Variants in DPYSL3 observed in about 807,000 individuals in gnomAD.
DPYSL3 encodes dihydropyrimidinase like 3.
In DPYSL3, 16 loss-of-function variants were observed where a neutral mutation model predicts 66.1. The ratio of observed to expected loss-of-function variants is 0.24; its 90% CI spans 0.16 to 0.37. The LOEUF (loss-of-function observed/expected upper bound fraction) is 0.37, where lower values mean the gene tolerates loss of function less well. Among genes scored for constraint, DPYSL3 ranks in the 10% least tolerant of loss-of-function variants. The pLI, the probability that DPYSL3 is intolerant of heterozygous loss-of-function variation, is 1.00. For synonymous variants in DPYSL3, 338 were observed against 345.1 expected (o/e 0.98, Z 0.23); for missense variants, 738 against 916.2 (o/e 0.81, Z 2.51).
rs2152014475 is a variant in DPYSL3, at chr5:147,395,725, C to T, written c.1804-4G>A. 1 of 1,613,574 alleles carries T rather than the reference C, an allele frequency of 6.2e-7. No homozygotes were observed. The highest frequency in any genetic ancestry group is 2.2e-5 in the East Asian group (1 of 44,872). The stretch of plus-strand genomic sequence containing the variant: ...GGACGGCATGCAGGTCTGCCATCTG[C>T]AGCCAGAGAAGAGCATGTCACCATT... On this transcript the variant is annotated splice_region_variant and splice_polypyrimidine_tract_variant and intron_variant, in intron 12 of 13. Coordinates refer to ENST00000343218, the MANE Select transcript of DPYSL3 (RefSeq NM_001197294.2).
At position 147,458,403 on chromosome 5, in the gene DPYSL3, C is replaced by T. The variant is rs1468075755; in HGVS notation, c.382-33440G>A. Among the ~76,000 whole-genome samples the T allele has an allele frequency of 2.0e-5, 3 of 152,268 alleles. No individual in the cohort carries two copies. In the East Asian group the frequency reaches 5.8e-4, roughly 29 times the overall value. ...CCCTAGATGGTCTAAAAAGGGGAGGCATGAATAATCCACCCCTTGTTTAGC... is the reference window on the plus strand; with the variant it reads ...CCCTAGATGGTCTAAAAAGGGGAGGTATGAATAATCCACCCCTTGTTTAGC... On this transcript the variant is annotated intron_variant, in intron 1 of 13. Transcript: ENST00000343218.
chr5:147,417,956 C>G (rs1406312512), intron 3 of DPYSL3, among the ~76,000 whole-genome samples: 1 of 152,124 alleles, frequency 6.6e-6, no homozygotes, highest in African/African-American at 2.4e-5. Flanking sequence ...TTTTGAAAAC[C>G]TCCACCAGAC....
intron 2 of DPYSL3, among the ~76,000 whole-genome samples, chr5:147,421,277 G>A (rs146339592): frequency 0.019 from 2,950 of 152,036 alleles, 105 homozygotes; most frequent in African/African-American, 0.068. Flanking sequence ...ACTACAAAGA[G>A]AATAAAATAC....
intron 1 of DPYSL3, among the ~76,000 whole-genome samples, chr5:147,470,010 A>T (rs1194204282): frequency 6.6e-6 from 1 of 152,330 alleles, no homozygotes; most frequent in East Asian, 1.9e-4. Flanking sequence ...AAAGACATCC[A>T]TTTTGTCTGA....
chr5:147,453,456 C>A, intron 1 of DPYSL3: 2 of 1,454,538 alleles, frequency 1.4e-6, no homozygotes, highest in Non-Finnish European at 1.8e-6. Context: ...GGGACCAGGC[C>A]AGAGAAGCCG....
chr5:147,405,290 T>C (rs540183046), intron 8 of DPYSL3, among the ~76,000 whole-genome samples: 2 of 152,350 alleles, frequency 1.3e-5, no homozygotes, highest in East Asian at 3.9e-4. Context: ...CTGACTGATA[T>C]GTCCGTTTAT....
At chr5:147,406,013 C>T (rs961312786) in intron 7 of DPYSL3, 6 of 243,550 alleles carry the variant, frequency 2.5e-5, no homozygotes, top group South Asian at 1.2e-4. Context: ...TTTTCCTTAG[C>T]CTCTGTGGTT....
At chr5:147,461,899 G>T (rs1486503998) in intron 1 of DPYSL3, among the ~76,000 whole-genome samples, 1 of 152,124 alleles carries the variant, frequency 6.6e-6, no homozygotes, top group Non-Finnish European at 1.5e-5. Flanking sequence ...CAGCCATCAA[G>T]TAGGGAAGAC....
chr5:147,465,786 G>A (rs1753000993), intron 1 of DPYSL3, among the ~76,000 whole-genome samples: 1 of 152,208 alleles, frequency 6.6e-6, no homozygotes, highest in South Asian at 2.1e-4. Flanking sequence ...CCAGTATCAT[G>A]CCTGCCTATA....
intron 1 of DPYSL3, among the ~76,000 whole-genome samples, chr5:147,450,376 T>C (rs1752705191): frequency 6.6e-6 from 1 of 152,188 alleles, no homozygotes; most frequent in African/African-American, 2.4e-5. Flanking sequence ...GTGATAATCA[T>C]TATGTATCTG....
At chr5:147,452,467 A>ACC (rs1322116645) in intron 1 of DPYSL3, among the ~76,000 whole-genome samples, 1 of 151,552 alleles carries the variant, frequency 6.6e-6, no homozygotes, top group African/African-American at 2.4e-5. Flanking sequence ...ACACACACAC[A>ACC]CACCATCCAA....
intron 1 of DPYSL3, among the ~76,000 whole-genome samples, chr5:147,449,903 G>A (rs1481829485): frequency 1.3e-5 from 2 of 152,128 alleles, no homozygotes; most frequent in Admixed American, 6.5e-5. Flanking sequence ...TTTCAAAAAC[G>A]TGTTCTTATA....
At chr5:147,453,524 A>G in intron 1 of DPYSL3, 1 of 1,521,234 alleles carries the variant, frequency 6.6e-7, no homozygotes, top group African/African-American at 1.4e-5. Context: ...GCGAGGAGGG[A>G]GGGAGCAGCG....
chr5:147,468,289 C>G (rs1753039206), intron 1 of DPYSL3, among the ~76,000 whole-genome samples: 2 of 152,144 alleles, frequency 1.3e-5, no homozygotes, highest in Admixed American at 1.3e-4. Context: ...TTTTTCCAAG[C>G]AGGAGTCCTG....
At chr5:147,490,362 A>C (rs906719204) in intron 1 of DPYSL3, among the ~76,000 whole-genome samples, 1 of 152,238 alleles carries the variant, frequency 6.6e-6, no homozygotes, top group Non-Finnish European at 1.5e-5. Flanking sequence ...TATAATAACA[A>C]AAGAAGAGAA....
intron 1 of DPYSL3, among the ~76,000 whole-genome samples, chr5:147,426,204 C>G (rs1752195214): frequency 6.6e-6 from 1 of 152,040 alleles, no homozygotes; most frequent in South Asian, 2.1e-4. Flanking sequence ...TGGAAAATGT[C>G]TTTTCAGGGA....
chr5:147,491,647 C>T (rs376430671), intron 1 of DPYSL3, among the ~76,000 whole-genome samples: 11 of 151,692 alleles, frequency 7.3e-5, no homozygotes, highest in African/African-American at 2.4e-4. Context: ...ACATTAATGA[C>T]GAATGCTTTT....
intron 1 of DPYSL3, chr5:147,453,649 C>A: frequency 6.6e-7 from 1 of 1,504,016 alleles, no homozygotes; most frequent in Non-Finnish European, 8.9e-7. Flanking sequence ...GGCTCGCCCG[C>A]GCCTTCCTCA....
Position 147,418,355 on chromosome 5 carries a change from T to A in DPYSL3, c.655+92A>T. On this transcript the variant is annotated intron_variant, in intron 3 of 13. Transcript: ENST00000343218. ...CATCTATAAACTGAACTGGGACAAGTATACAAGTTATAGTAAGAGAGTTCT... is the reference window on the plus strand; with the variant it reads ...CATCTATAAACTGAACTGGGACAAGAATACAAGTTATAGTAAGAGAGTTCT... 2.3e-5 allele frequency: 30 copies of A among 1,316,498 alleles called. 2 individuals are homozygous for A. The South Asian group carries it at 5.0e-4, about 22-fold the overall frequency. 81.6% of individuals were successfully genotyped at this position (1,316,498 alleles called of 1,614,324 possible).
Sources: allele counts gnomAD v4.1 joint callset (sites outside exome capture counted in the v4.1 genomes callset), GRCh38; gene constraint gnomAD v4.1.1; transcripts MANE v1.5; gene names NCBI Gene and HGNC (gene_info 2026-07-23, HGNC 2026-07-21).